Variants in SPOCK3 observed in about 807,000 individuals in gnomAD.
SPOCK3 encodes the protein SPARC (osteonectin), cwcv and kazal like domains proteoglycan 3, also known as testican-3.
In SPOCK3, 30 loss-of-function variants were observed where a neutral mutation model predicts 56.6. That is an observed-to-expected ratio of 0.53 (90% CI 0.40 to 0.72). The LOEUF is 0.72. Among genes scored for constraint, SPOCK3 ranks in the 30% least tolerant of loss-of-function variants. The pLI is 0.00. For synonymous variants in SPOCK3, 196 were observed against 183.3 expected (o/e 1.07, Z -0.56); for missense variants, 527 against 530.0 (o/e 0.99, Z 0.06).
chr4:167,019,343 C>G (rs1450498593), intron 3 of SPOCK3, among the ~76,000 whole-genome samples: 1 of 151,864 alleles, frequency 6.6e-6, no homozygotes, highest in African/African-American at 2.4e-5. Context: ...TTCTGATAAG[C>G]TTTAGGGTTG....
intron 4 of SPOCK3, among the ~76,000 whole-genome samples, chr4:166,973,739 A>G (rs1745635485): frequency 6.6e-6 from 1 of 152,192 alleles, no homozygotes; most frequent in Admixed American, 6.6e-5. Context: ...GAGTAGTTTG[A>G]TCACAAGTTG....
intron 6 of SPOCK3, among the ~76,000 whole-genome samples, chr4:166,826,775 T>G (rs1745526372): frequency 6.6e-6 from 1 of 152,138 alleles, no homozygotes; most frequent in South Asian, 2.1e-4. Flanking sequence ...TCTTGTTCTT[T>G]TCTTTAAATC....
chr4:166,941,193 A>AC (rs771175504), intron 4 of SPOCK3, among the ~76,000 whole-genome samples: 12,367 of 152,062 alleles, frequency 0.081, 620 homozygotes, highest in African/African-American at 0.14. Context: ...CCAAGAATGT[A>AC]GAAAAAAGCT....
At chr4:167,232,086 A>G (rs1737235878) in intron 2 of SPOCK3, among the ~76,000 whole-genome samples, 2 of 152,130 alleles carry the variant, frequency 1.3e-5, no homozygotes, top group Admixed American at 6.6e-5. Context: ...CCATCTCTAT[A>G]GAAATTGACT....
intron 2 of SPOCK3, among the ~76,000 whole-genome samples, chr4:167,186,422 T>C (rs1372174961): frequency 6.6e-6 from 1 of 152,022 alleles, no homozygotes; most frequent in Non-Finnish European, 1.5e-5. Flanking sequence ...AGGTCAGGAA[T>C]TTGAGACCAG....
intron 2 of SPOCK3, among the ~76,000 whole-genome samples, chr4:167,210,737 CA>C (rs1221852366): frequency 6.6e-6 from 1 of 152,040 alleles, no homozygotes; most frequent in Non-Finnish European, 1.5e-5. Context: ...CCTGAAAAAA[CA>C]AATATCATTC....
intron 2 of SPOCK3, among the ~76,000 whole-genome samples, chr4:167,080,497 A>C (rs1033036821): frequency 6.6e-6 from 1 of 152,034 alleles, no homozygotes; most frequent in African/African-American, 2.4e-5. Context: ...TCTCCACCCA[A>C]AGGAAATAGA....
intron 6 of SPOCK3, among the ~76,000 whole-genome samples, chr4:166,796,560 C>T (rs1339399840): frequency 6.6e-6 from 1 of 152,030 alleles, no homozygotes; most frequent in East Asian, 1.9e-4. Flanking sequence ...AAAAATAATA[C>T]TTTATGTCAC....
At chr4:166,822,946 C>A (rs1363143764) in intron 6 of SPOCK3, among the ~76,000 whole-genome samples, 9 of 151,898 alleles carry the variant, frequency 5.9e-5, no homozygotes, top group African/African-American at 9.7e-5. Context: ...AAACATTAAA[C>A]TAGCAAAAAA....
chr4:166,870,540 C>A (rs1245507895), intron 6 of SPOCK3, among the ~76,000 whole-genome samples: 1 of 151,594 alleles, frequency 6.6e-6, no homozygotes, highest in Non-Finnish European at 1.5e-5. Flanking sequence ...AACTAGAAAT[C>A]AATAAGAGAG....
chr4:166,978,615 C>A (rs1016134475), intron 4 of SPOCK3, among the ~76,000 whole-genome samples: 12 of 152,062 alleles, frequency 7.9e-5, no homozygotes, highest in Non-Finnish European at 1.8e-4. Flanking sequence ...ATATAAATTG[C>A]CACTTGCATT....
At chr4:166,908,204 TTAAAA>T (rs1271422704) in intron 5 of SPOCK3, among the ~76,000 whole-genome samples, 3 of 151,092 alleles carry the variant, frequency 2.0e-5, no homozygotes, top group South Asian at 2.1e-4. Flanking sequence ...ATGTTGAAAC[TTAAAA>T]TAGAAAGTTT....
intron 4 of SPOCK3, among the ~76,000 whole-genome samples, chr4:166,980,671 A>G (rs756178204): frequency 1.3e-5 from 2 of 152,234 alleles, no homozygotes; most frequent in Non-Finnish European, 2.9e-5. Context: ...CAGGGTGGGC[A>G]GCTCCAGGCT....
chr4:167,141,844 C>T (rs1349045557), intron 2 of SPOCK3, among the ~76,000 whole-genome samples: 1 of 151,790 alleles, frequency 6.6e-6, no homozygotes, highest in Non-Finnish European at 1.5e-5. Context: ...AAAGGGCTAC[C>T]TAGAACCCAG....
intron 6 of SPOCK3, among the ~76,000 whole-genome samples, chr4:166,841,455 A>G (rs1006376499): frequency 3.9e-5 from 6 of 152,176 alleles, no homozygotes; most frequent in African/African-American, 9.7e-5. Flanking sequence ...AAAAAAGATT[A>G]TTTTACATTA....
chr4:166,821,951 T>C (rs1247283587), intron 6 of SPOCK3, among the ~76,000 whole-genome samples: 1 of 152,104 alleles, frequency 6.6e-6, no homozygotes, highest in Non-Finnish European at 1.5e-5. Flanking sequence ...GATAGATCAA[T>C]TAACTATCAA....
intron 4 of SPOCK3, among the ~76,000 whole-genome samples, chr4:166,995,142 G>C (rs1016514537): frequency 6.6e-6 from 1 of 151,996 alleles, no homozygotes; most frequent in Non-Finnish European, 1.5e-5. Flanking sequence ...TGAATTCTCT[G>C]TCTCAACTTT....
intron 2 of SPOCK3, among the ~76,000 whole-genome samples, chr4:167,097,234 T>C (rs1173996275): frequency 6.6e-6 from 1 of 151,964 alleles, no homozygotes; most frequent in African/African-American, 2.4e-5. Context: ...TATTTGTTCA[T>C]GTCATTTTTC....
intron 2 of SPOCK3, among the ~76,000 whole-genome samples, chr4:167,203,001 T>G (rs966229362): frequency 6.6e-5 from 10 of 151,512 alleles, no homozygotes; most frequent in Non-Finnish European, 1.5e-4. Context: ...CTTTTGATAT[T>G]TGTATTGATG....
Sources: gnomAD v4.1 joint callset for allele counts (sites outside exome capture counted in the v4.1 genomes callset) on GRCh38, gnomAD v4.1.1 for gene constraint, MANE v1.5 for transcripts, NCBI Gene and HGNC (gene_info 2026-07-23, HGNC 2026-07-21) for gene names.